MYO1H: variants seen among roughly 807,000 people sequenced by gnomAD.
The protein encoded by MYO1H is unconventional myosin-Ih.
In MYO1H, 118 loss-of-function variants were observed where a neutral mutation model predicts 149.3. The ratio of observed to expected loss-of-function variants is 0.79; its 90% CI spans 0.68 to 0.92. The LOEUF (loss-of-function observed/expected upper bound fraction) is 0.92, where lower values mean the gene tolerates loss of function less well. Ranked by LOEUF, MYO1H falls within the 40% of genes least tolerant of loss-of-function variation. The pLI is 0.00. For missense variants in MYO1H, 1,212 were observed against 1,280.7 expected, an observed-to-expected ratio of 0.95 and a Z score of 0.82; for synonymous variants, 447 against 465.2, an observed-to-expected ratio of 0.96 and a Z score of 0.50.
At chr12:109,407,824 G>A (rs1190095174) in exon 10 of MYO1H, 10 of 1,613,688 alleles carry the variant, frequency 6.2e-6, no homozygotes, top group African/African-American at 1.3e-5. Context: ...AGAACTCTCT[G>A]TCTACGCTAG....
At chr12:109,348,030 A>G (rs1023107323) in intron 1 of MYO1H, 58 bp downstream of exon 1, 13 of 398,954 alleles carry the variant, frequency 3.3e-5, no homozygotes, top group Middle Eastern at 6.2e-4. Context: ...TTCTACCAAG[A>G]ACTTTCCAAA....
the MYO1H span, among the ~76,000 whole-genome samples, chr12:109,321,192 G>A: frequency 2.0e-5 from 3 of 152,176 alleles, no homozygotes; most frequent in Non-Finnish European, 4.4e-5. Flanking sequence ...ATAGACAGGT[G>A]ACAGACTCAA....
In MYO1H at chr12:109,397,943, G is replaced by A. The variant is rs546068139; in HGVS notation, c.570+131G>A. On this transcript the variant is annotated intron_variant, in intron 5 of 31. Coordinates refer to ENST00000310903, the Ensembl canonical transcript of MYO1H. ...CTATTTAAAAAAATATCCAGGGTTA[G>A]TGCTGGTTTTAGGAAATGCAAATTA... The A allele has an allele frequency of 5.0e-5, 29 of 584,394 alleles. No individual in the cohort carries two copies. In the Middle Eastern group the frequency reaches 1.2e-3, roughly 24 times the overall value. The allele number at this position is 584,394 out of a possible 1,614,324, so 36.2% of individuals were successfully genotyped here. A position where few individuals can be genotyped will look rare whatever the true frequency, so the allele number is the denominator to read the frequency against.
the MYO1H span, among the ~76,000 whole-genome samples, chr12:109,317,423 AAGTT>A: frequency 6.6e-6 from 1 of 152,252 alleles, no homozygotes; most frequent in African/African-American, 2.4e-5. Flanking sequence ...AAGTTCAAGT[AAGTT>A]CTCCTAATCT....
chr12:109,423,952 AGCTAGT>A (rs891141282), intron 16 of MYO1H, among the ~76,000 whole-genome samples: 69 of 152,334 alleles, frequency 4.5e-4, no homozygotes, highest in African/African-American at 1.6e-3. Flanking sequence ...ACAGTCCAAA[AGCTAGT>A]GCCCTGGGTC....
chr12:109,326,484 T>TA, the MYO1H span, among the ~76,000 whole-genome samples: 3 of 146,288 alleles, frequency 2.1e-5, no homozygotes, highest in Non-Finnish European at 4.5e-5. Context: ...TACCTTTTTT[T>TA]TATATTTTAT....
chr12:109,376,027 A>T (rs1035789819), intron 1 of MYO1H, among the ~76,000 whole-genome samples: 1 of 152,212 alleles, frequency 6.6e-6, no homozygotes, highest in Non-Finnish European at 1.5e-5. Flanking sequence ...CCCCAAGGCC[A>T]TGAAGATATC....
chr12:109,427,909 A>AAATAT (rs1555254298), intron 19 of MYO1H, among the ~76,000 whole-genome samples: 1 of 16,416 alleles, frequency 6.1e-5, no homozygotes, highest in Admixed American at 8.7e-4. Context: ...AAAAAAAAAA[A>AAATAT]ATATATATAT....
chr12:109,343,342 A>C (rs770860837), upstream of MYO1H, among the ~76,000 whole-genome samples: 1 of 152,176 alleles, frequency 6.6e-6, no homozygotes, highest in Non-Finnish European at 1.5e-5. Flanking sequence ...AGGGATAATC[A>C]ACAAAACGAA....
Position 109,406,067 on chromosome 12 carries a change from AG to A in MYO1H, c.963+37del, listed in dbSNP as rs757031416. The A allele has an allele frequency of 7.3e-6, 11 of 1,500,144 alleles. No homozygotes were observed. In the Admixed American group the frequency reaches 8.6e-5, roughly 12 times the overall value. 92.9% of individuals were successfully genotyped at this position (1,500,144 alleles called of 1,614,324 possible). On this transcript the variant is annotated intron_variant, in intron 8 of 31. Coordinates refer to ENST00000310903, the Ensembl canonical transcript of MYO1H. ...CTCCTCTTTTGGAGAGGACAGAAGG[AG>A]GGGGATGGGTGGGAGAGAAGAGCGA...
intron 1 of MYO1H, among the ~76,000 whole-genome samples, chr12:109,356,182 A>G (rs1457740004): frequency 1.3e-5 from 2 of 152,302 alleles, no homozygotes; most frequent in East Asian, 3.9e-4. Context: ...CAAGGGACTC[A>G]GACTGAGATG....
intron 7 of MYO1H, among the ~76,000 whole-genome samples, chr12:109,404,476 C>A (rs1266625534): frequency 6.6e-6 from 1 of 151,930 alleles, no homozygotes; most frequent in Non-Finnish European, 1.5e-5. Context: ...AGCGAGACTG[C>A]GTCTCAAAAA....
chr12:109,378,824 T>C (rs1232313535), intron 1 of MYO1H, among the ~76,000 whole-genome samples: 1 of 152,152 alleles, frequency 6.6e-6, no homozygotes, highest in Non-Finnish European at 1.5e-5. Flanking sequence ...GGGTGTGAAG[T>C]GGTATCTCAT....
At chr12:109,345,591 A>G (rs1226533651), upstream of MYO1H, among the ~76,000 whole-genome samples, 8 of 152,222 alleles carry the variant, frequency 5.3e-5, no homozygotes, top group Non-Finnish European at 1.2e-4. Flanking sequence ...CACGTAACCC[A>G]GCAATTCCAC....
intron 31 of MYO1H, 66 bp from the exon 32 acceptor site, chr12:109,447,093 T>G: frequency 6.7e-7 from 1 of 1,483,442 alleles, no homozygotes; most frequent in Non-Finnish European, 9.2e-7. Flanking sequence ...GTTGAGGTGA[T>G]AACTGTTTCC....
intron 1 of MYO1H, among the ~76,000 whole-genome samples, chr12:109,351,021 CA>C (rs1482471780): frequency 1.3e-5 from 2 of 152,120 alleles, no homozygotes; most frequent in African/African-American, 4.8e-5. Context: ...CCCTGAGTGT[CA>C]TAAGTGCTAA....
chr12:109,430,148 A>G (rs1470897281), intron 19 of MYO1H, among the ~76,000 whole-genome samples: 1 of 152,190 alleles, frequency 6.6e-6, no homozygotes, highest in African/African-American at 2.4e-5. Context: ...CATTCAGGGA[A>G]CATCAATCAA....
chr12:109,438,222 C>T (rs1274606931), intron 22 of MYO1H, among the ~76,000 whole-genome samples: 2 of 151,882 alleles, frequency 1.3e-5, no homozygotes, highest in East Asian at 1.9e-4. Flanking sequence ...GGTGGTAAGA[C>T]TAATCTGTAC....
the MYO1H span, among the ~76,000 whole-genome samples, chr12:109,311,400 C>T: frequency 6.6e-6 from 1 of 152,200 alleles, no homozygotes; most frequent in Admixed American, 6.5e-5. Context: ...AAAACACCTA[C>T]TGCTACAAAA....
Sources: allele counts gnomAD v4.1 joint callset (sites outside exome capture counted in the v4.1 genomes callset), GRCh38; gene constraint gnomAD v4.1.1; transcripts MANE v1.5; gene names NCBI Gene and HGNC (gene_info 2026-07-23, HGNC 2026-07-21).